FAM184A: variants seen among roughly 807,000 people sequenced by gnomAD.
The protein encoded by FAM184A is family with sequence similarity 184 member A, also known as protein FAM184A.
In FAM184A, 99 loss-of-function variants were observed where a neutral mutation model predicts 143.8. That is an observed-to-expected ratio of 0.69 (90% CI 0.58 to 0.81). The LOEUF (loss-of-function observed/expected upper bound fraction) is 0.81, where lower values mean the gene tolerates loss of function less well. FAM184A is among the 40% of genes least tolerant of loss of function. The pLI is 0.00. For missense variants in FAM184A, 1,217 were observed against 1,310.5 expected, an observed-to-expected ratio of 0.93 and a Z score of 1.10; for synonymous variants, 427 against 446.4, an observed-to-expected ratio of 0.96 and a Z score of 0.55.
chr6:119,141,475 C>CTTTAT (rs71556827), intron 1 of FAM184A, among the ~76,000 whole-genome samples: 13 of 151,640 alleles, frequency 8.6e-5, no homozygotes, highest in African/African-American at 1.5e-4. Flanking sequence ...GCCTGAACTC[C>CTTTAT]TTTATTTTAT....
At chr6:119,094,882 A>G (rs561095980) in intron 1 of FAM184A, among the ~76,000 whole-genome samples, 12 of 152,320 alleles carry the variant, frequency 7.9e-5, no homozygotes, top group Middle Eastern at 3.4e-3. Flanking sequence ...TGGCCCTGCA[A>G]AAGAGGGGAG....
At chr6:119,039,810 T>G (rs1470117217) in intron 1 of FAM184A, among the ~76,000 whole-genome samples, 2 of 152,090 alleles carry the variant, frequency 1.3e-5, no homozygotes, top group African/African-American at 4.8e-5. Context: ...CCTGTTAACA[T>G]CAAAACGTTA....
chr6:119,120,845 TTTC>T (rs1463421361), intron 1 of FAM184A, among the ~76,000 whole-genome samples: 1,391 of 134,656 alleles, frequency 0.01, 14 homozygotes, highest in Middle Eastern at 0.034. Flanking sequence ...TCTTTCTTTC[TTTC>T]TTTTTTTTTT....
intron 7 of FAM184A, 94 bp from the exon 8 acceptor site, chr6:119,003,716 A>T (rs1784837389): frequency 5.6e-6 from 7 of 1,259,810 alleles, no homozygotes; most frequent in Admixed American, 3.3e-5. Context: ...TAAAACTTTT[A>T]ATTTTAAATT....
chr6:119,032,506 AAGAGGGAGAGGAAGAGGAAGAGGG>A (rs1785917026), intron 1 of FAM184A, among the ~76,000 whole-genome samples: 1 of 144,876 alleles, frequency 6.9e-6, no homozygotes, highest in Non-Finnish European at 1.5e-5. Context: ...AGGGAGAGGG[AAGAGGGAGAGGAAGAGGAAGAGGG>A]AGAGGGAGAG....
At chr6:118,961,635 T>C in intron 17 of FAM184A, 126 bp downstream of exon 17, 2 of 827,210 alleles carry the variant, frequency 2.4e-6, no homozygotes, top group Admixed American at 2.3e-5. Context: ...TAAATATACT[T>C]TGAAGAAAAT....
At chr6:119,106,801 A>T (rs1788798085) in intron 1 of FAM184A, among the ~76,000 whole-genome samples, 1 of 152,200 alleles carries the variant, frequency 6.6e-6, no homozygotes, top group African/African-American at 2.4e-5. Context: ...ACTGTTTGGG[A>T]GGTAAGGTTT....
intron 9 of FAM184A, among the ~76,000 whole-genome samples, chr6:119,002,348 TA>T (rs932804193): frequency 1.3e-5 from 2 of 152,158 alleles, no homozygotes; most frequent in African/African-American, 4.8e-5. Context: ...CAAATTCTTT[TA>T]ATTACAGTTA....
chr6:118,984,226 T>C (rs1784120680), intron 9 of FAM184A, among the ~76,000 whole-genome samples: 1 of 145,928 alleles, frequency 6.9e-6, no homozygotes, highest in African/African-American at 2.5e-5. Context: ...TATATATTTG[T>C]ATATTTATAT....
chr6:119,038,320 G>C (rs1786188040), intron 1 of FAM184A, among the ~76,000 whole-genome samples: 1 of 152,202 alleles, frequency 6.6e-6, no homozygotes, highest in Non-Finnish European at 1.5e-5. Flanking sequence ...AATAGGAGCT[G>C]AGTAAAATGA....
chr6:119,097,221 T>C (rs748984956), intron 1 of FAM184A, among the ~76,000 whole-genome samples: 4 of 152,158 alleles, frequency 2.6e-5, no homozygotes, highest in African/African-American at 4.8e-5. Context: ...TACTTCCTTT[T>C]TCAAAACATG....
At chr6:119,040,953 GGCT>G (rs1200357400) in intron 1 of FAM184A, among the ~76,000 whole-genome samples, 1 of 152,112 alleles carries the variant, frequency 6.6e-6, no homozygotes, top group Non-Finnish European at 1.5e-5. Flanking sequence ...TGAATCCAAG[GGCT>G]GCTGTTTTTG....
At chr6:119,088,202 C>T (rs1357635751) in intron 1 of FAM184A, among the ~76,000 whole-genome samples, 3 of 152,124 alleles carry the variant, frequency 2.0e-5, no homozygotes, top group Admixed American at 6.5e-5. Context: ...CTACTTAATG[C>T]ACTAAATATA....
At chr6:119,059,356 G>A (rs1012552010) in intron 1 of FAM184A, among the ~76,000 whole-genome samples, 15 of 152,188 alleles carry the variant, frequency 9.9e-5, no homozygotes, top group Non-Finnish European at 5.9e-5. Context: ...CTGGAATGAA[G>A]GTTGATAACC....
intron 1 of FAM184A, among the ~76,000 whole-genome samples, chr6:119,037,264 T>G (rs1484292493): frequency 6.6e-6 from 1 of 152,168 alleles, no homozygotes; most frequent in Non-Finnish European, 1.5e-5. Context: ...TACAGTCAAT[T>G]AAATATCATA....
At chr6:118,962,243 A>T in intron 16 of FAM184A, 1 of 412,602 alleles carries the variant, frequency 2.4e-6, no homozygotes, top group East Asian at 4.8e-5. Flanking sequence ...AGGTAAAAAG[A>T]GTGCCAAGGG....
chr6:119,051,758 TATA>T (rs1179186916), intron 1 of FAM184A, among the ~76,000 whole-genome samples: 1 of 152,198 alleles, frequency 6.6e-6, no homozygotes, highest in Non-Finnish European at 1.5e-5. Flanking sequence ...ATAAGAGGGC[TATA>T]ATGTGTTATC....
chr6:119,114,812 C>T (rs1185852511), intron 1 of FAM184A, among the ~76,000 whole-genome samples: 1 of 152,054 alleles, frequency 6.6e-6, no homozygotes, highest in African/African-American at 2.4e-5. Flanking sequence ...ATGGCCTTGG[C>T]CTCCCAAAAT....
intron 1 of FAM184A, among the ~76,000 whole-genome samples, chr6:119,097,408 A>G (rs1052968923): frequency 6.6e-6 from 1 of 152,240 alleles, no homozygotes; most frequent in South Asian, 2.1e-4. Flanking sequence ...TTTATGCAAC[A>G]GAATGAATAT....
Sources: gnomAD v4.1 joint callset for allele counts (sites outside exome capture counted in the v4.1 genomes callset) on GRCh38, gnomAD v4.1.1 for gene constraint, MANE v1.5 for transcripts, NCBI Gene and HGNC (gene_info 2026-07-23, HGNC 2026-07-21) for gene names.